Variants in WDR86 observed in about 807,000 individuals in gnomAD.
WDR86 encodes the protein WD repeat domain 86, also known as WD repeat-containing protein 86.
WDR86 carries 30 observed loss-of-function variants against 36.5 expected under a neutral mutation model. The observed-to-expected ratio is 0.82, with a 90% confidence interval of 0.61 to 1.11. The LOEUF (loss-of-function observed/expected upper bound fraction) is 1.11, where lower values mean the gene tolerates loss of function less well. WDR86 is among the 50% of genes most tolerant of loss of function. The probability of loss-of-function intolerance (pLI) is 0.00; values close to 1 mark genes in which losing one functional copy is unlikely to be tolerated. For missense variants in WDR86, 545 were observed against 561.2 expected (o/e 0.97, Z 0.29); for synonymous variants, 255 against 252.9 (o/e 1.01, Z -0.08).
chr7:151,373,958 G>C, downstream of WDR86: 1 of 878,632 alleles, frequency 1.1e-6, no homozygotes, highest in Non-Finnish European at 1.7e-6. Context: ...GGTGAGGAGA[G>C]GTAGAAAGAG....
chr7:151,396,022 G>A lies in WDR86; in HGVS notation c.480C>T (p.Ala160=), dbSNP rs61743535. Residue 160 remains alanine, a synonymous_variant, in exon 3 of 6, where the codon GCC becomes GCT. Coordinates refer to ENST00000334493, the MANE Select transcript of WDR86 (RefSeq NM_198285.3). ...CGGTCACCAGAAGCCCCCCGGCCGC[G>A]GCCTCCTCCGCGCAGGGAGTGCTGG... The part of the protein sequence containing the change: ...DLPSTPCAEE[A]AAGGLLVTGS... The A allele has an allele frequency of 2.4e-5, 38 of 1,605,676 alleles. No homozygotes were observed. The highest frequency in any genetic ancestry group is 4.5e-5 in the East Asian group (2 of 44,634).
At chr7:151,380,021 A>T (rs1798474979), downstream of WDR86, among the ~76,000 whole-genome samples, 1 of 152,198 alleles carries the variant, frequency 6.6e-6, no homozygotes, top group Non-Finnish European at 1.5e-5. Context: ...TGTGGCAGCC[A>T]CAGGCCCCAA....
downstream of WDR86, among the ~76,000 whole-genome samples, chr7:151,371,795 G>A (rs937279395): frequency 1.3e-5 from 2 of 152,172 alleles, no homozygotes; most frequent in Non-Finnish European, 2.9e-5. Flanking sequence ...CCAGGCTGGA[G>A]GGCAGTGGCG....
chr7:151,407,118 T>C (rs888697976), intron 1 of WDR86, among the ~76,000 whole-genome samples: 2 of 152,244 alleles, frequency 1.3e-5, no homozygotes, highest in Non-Finnish European at 2.9e-5. Flanking sequence ...CCAACCCATA[T>C]AACAGCAAAA....
At chr7:151,398,045 G>A (rs12703130) in intron 2 of WDR86, among the ~76,000 whole-genome samples, 63,826 of 152,050 alleles carry the variant, frequency 0.42, 14,998 homozygotes, top group Non-Finnish European at 0.54. Flanking sequence ...TATCTACACA[G>A]AGCTATGGGT....
downstream of WDR86, among the ~76,000 whole-genome samples, chr7:151,372,840 G>A (rs1054567445): frequency 1.2e-4 from 19 of 152,254 alleles, no homozygotes; most frequent in South Asian, 2.1e-4. Context: ...CGTAATGGGG[G>A]CATGAGACAG....
chr7:151,407,807 C>T (rs1424195266), intron 1 of WDR86, among the ~76,000 whole-genome samples: 6 of 152,164 alleles, frequency 3.9e-5, no homozygotes, highest in Non-Finnish European at 8.8e-5. Context: ...TGCCACTGCA[C>T]TCCAGCCTGG....
the WDR86 span, among the ~76,000 whole-genome samples, chr7:151,370,297 C>T: frequency 6.6e-6 from 1 of 152,050 alleles, no homozygotes; most frequent in East Asian, 1.9e-4. Context: ...CCAATTTGGC[C>T]AGGCTGGTCT....
At chr7:151,404,101 C>A (rs1355678497) in intron 1 of WDR86, among the ~76,000 whole-genome samples, 3 of 152,178 alleles carry the variant, frequency 2.0e-5, no homozygotes, top group Non-Finnish European at 4.4e-5. Flanking sequence ...TGCTGAAGAC[C>A]TGAAATGAGG....
Position 151,396,148 on chromosome 7 carries a change from T to A in WDR86, c.354A>T (p.Thr118=), listed in dbSNP as rs1466146101. Residue 118 remains threonine, a synonymous_variant, in exon 3 of 6, where the codon ACA becomes ACT. Transcript: ENST00000334493. ...NQLFSSSYDR[T]ARVWSVDKGQ... ...CCTTGTCCACACTCCAGACCCGAGC[T>A]GTCCGGTCATAGGAGCTGCTGAAGA... The A allele has an allele frequency of 1.2e-6, 2 of 1,612,960 alleles. No individual in the cohort carries two copies. Among genetic ancestry groups the A allele is most frequent in the South Asian group, 2.2e-5 (2 of 91,090 alleles).
At chr7:151,377,327 T>G, downstream of WDR86, 59 of 671,306 alleles carry the variant, frequency 8.8e-5, no homozygotes, top group Admixed American at 1.1e-4. Context: ...GAATTACAAG[T>G]CCTCTTTGGG....
Position 151,405,518 on chromosome 7 carries a change from G to A in WDR86, c.163+3909C>T, listed in dbSNP as rs974350219. ...CCAGTTTCGAGGGTGCTGGGACCCT[G>A]AGGCAGGTGACATCTGGGCCCAGAA... On this transcript the variant is annotated intron_variant, in intron 1 of 5. Coordinates refer to ENST00000334493, the MANE Select transcript of WDR86 (RefSeq NM_198285.3). This position sits in a 1 kb window ranked among gnomAD's most constrained non-coding sequence, Gnocchi z 4.7. Among the ~76,000 whole-genome samples, 5 of 152,220 alleles carry A rather than the reference G, an allele frequency of 3.3e-5. No individual in the cohort carries two copies. The highest frequency in any genetic ancestry group is 1.2e-4 in the African/African-American group (5 of 41,456).
rs547988224 is a variant in WDR86, at chr7:151,401,428, A to G, written c.164-1187T>C. Among the ~76,000 whole-genome samples, 3 of 151,702 alleles carry G rather than the reference A, an allele frequency of 2.0e-5. No homozygotes were observed. Among genetic ancestry groups the G allele is most frequent in the East Asian group, 1.9e-4 (1 of 5,142 alleles). On this transcript the variant is annotated intron_variant, in intron 1 of 5. Coordinates refer to ENST00000334493, the MANE Select transcript of WDR86 (RefSeq NM_198285.3). The surrounding 1 kb of genome is among the most constrained non-coding windows in gnomAD (Gnocchi z 4.3). ...TCCTCCCTCCTCTCCTTCCCTCCTC[A>G]TTTCTTTATCATCTCCTTTTAGTCT...
downstream of WDR86, among the ~76,000 whole-genome samples, chr7:151,372,499 A>T (rs1798006830): frequency 6.6e-6 from 1 of 152,202 alleles, no homozygotes; most frequent in Non-Finnish European, 1.5e-5. Context: ...TGGAATATAA[A>T]TGGAAGAAAC....
chr7:151,381,449 G>C lies in WDR86; in HGVS notation c.*133C>G. 6.7e-7 allele frequency: 1 copy of C among 1,491,132 alleles called. No individual in the cohort carries two copies. The highest frequency in any genetic ancestry group is 8.9e-7 in the Non-Finnish European group (1 of 1,128,374). 92.4% of individuals were successfully genotyped at this position (1,491,132 alleles called of 1,614,324 possible). A position where few individuals can be genotyped will look rare whatever the true frequency, so the allele number is the denominator to read the frequency against. On this transcript the variant is annotated 3_prime_UTR_variant, in exon 6 of 6. Transcript: ENST00000334493. The surrounding 1 kb of genome is among the most constrained non-coding windows in gnomAD (Gnocchi z 4.8). ...AAGAAAAACCAGACGCCTGCGACGG[G>C]CTCTCCTCCCGCCCGGGCTTCCTCG...
In WDR86 at chr7:151,396,011, C is replaced by T. The variant is rs1799797053; in HGVS notation, c.491G>A (p.Gly164Glu). ...TPCAEEAAAG[G>E]LLVTGSTDGT... is the part of the protein sequence containing the mutation. Reference sequence around the variant, plus strand: ...ATCTGTGCTGCCGGTCACCAGAAGCCCCCCGGCCGCGGCCTCCTCCGCGCA... The same window carrying T: ...ATCTGTGCTGCCGGTCACCAGAAGCTCCCCGGCCGCGGCCTCCTCCGCGCA... Residue 164 changes from glycine (G) to glutamate (E), a missense_variant, in exon 3 of 6, where the codon GGG (glycine) becomes GAG (glutamate). Gly to Glu is a moderately conservative substitution (Grantham distance 98). Coordinates refer to ENST00000334493, the MANE Select transcript of WDR86 (RefSeq NM_198285.3). The T allele has an allele frequency of 1.9e-6, 3 of 1,602,300 alleles. No homozygotes were observed. Among genetic ancestry groups the T allele is most frequent in the South Asian group, 1.1e-5 (1 of 89,910 alleles).
At position 151,405,705 on chromosome 7, in the gene WDR86, CTT is replaced by C. The variant is rs1191266141; in HGVS notation, c.163+3720_163+3721del. 6.6e-6 allele frequency among the ~76,000 whole-genome samples: 1 copy of C among 152,196 alleles called. No individual in the cohort carries two copies. The highest frequency in any genetic ancestry group is 1.5e-5 in the Non-Finnish European group (1 of 68,038). On this transcript the variant is annotated intron_variant, in intron 1 of 5. Transcript: ENST00000334493. The surrounding 1 kb of genome is among the most constrained non-coding windows in gnomAD (Gnocchi z 4.7). ...CAAGCTGTGTGAGGCTGCTGTGGCT[CTT>C]GTCACCAGCGTGCCGCAGGCCTCCT...
intron 2 of WDR86, among the ~76,000 whole-genome samples, chr7:151,396,544 G>C (rs879681688): frequency 2.5e-4 from 38 of 152,358 alleles, no homozygotes; most frequent in Non-Finnish European, 2.1e-4. Flanking sequence ...AAGCGGGTGG[G>C]GGGGAAGGTA....
chr7:151,393,206 T>C (rs1048834211), intron 3 of WDR86, among the ~76,000 whole-genome samples: 1 of 152,218 alleles, frequency 6.6e-6, no homozygotes, highest in Non-Finnish European at 1.5e-5. Flanking sequence ...CACACGTGTG[T>C]TCACACGTGT....
Sources: gnomAD v4.1 joint callset for allele counts (sites outside exome capture counted in the v4.1 genomes callset) on GRCh38, gnomAD v4.1.1 for gene constraint, Gnocchi (gnomAD v3.1) non-coding constraint, MANE v1.5 for transcripts, NCBI Gene and HGNC (gene_info 2026-07-23, HGNC 2026-07-21) for gene names.